RGS3: variants seen among roughly 807,000 people sequenced by gnomAD.
The protein encoded by RGS3 is regulator of G-protein signalling 3.
RGS3 carries 80 observed loss-of-function variants against 132.6 expected under a neutral mutation model. That is an observed-to-expected ratio of 0.60 (90% CI 0.50 to 0.73). The LOEUF (loss-of-function observed/expected upper bound fraction) is 0.73, where lower values mean the gene tolerates loss of function less well. RGS3 is among the 30% of genes least tolerant of loss of function. The pLI, the probability that RGS3 is intolerant of heterozygous loss-of-function variation, is 0.00. For synonymous variants in RGS3, 598 were observed against 620.6 expected, an observed-to-expected ratio of 0.96 and a Z score of 0.54; for missense variants, 1,382 against 1,530.8, an observed-to-expected ratio of 0.90 and a Z score of 1.62.
In RGS3 at chr9:113,583,314, C is replaced by T. The variant is rs1478096584; in HGVS notation, c.2038-136C>T. ...CTAAGTCAAAGGGGCTTTGGGGGTT[C>T]CATCTGGCACCTCAGCTTTCAGACT... On this transcript the variant is annotated intron_variant, in intron 19 of 24. Transcript: ENST00000350696. 17 of 1,426,306 alleles carry T rather than the reference C, an allele frequency of 1.2e-5. No individual in the cohort carries two copies. In the East Asian group the frequency reaches 4.0e-4, roughly 33 times the overall value. 88.4% of individuals were successfully genotyped at this position (1,426,306 alleles called of 1,614,324 possible).
intron 7 of RGS3, among the ~76,000 whole-genome samples, chr9:113,487,790 T>C (rs1564475421): frequency 6.6e-6 from 1 of 152,202 alleles, no homozygotes; most frequent in Non-Finnish European, 1.5e-5. Context: ...AGATTCTCTT[T>C]GGAGTATGGG....
At chr9:113,563,163 G>T (rs748955335) in intron 19 of RGS3, among the ~76,000 whole-genome samples, 1 of 152,208 alleles carries the variant, frequency 6.6e-6, no homozygotes, top group African/African-American at 2.4e-5. Context: ...TTCTGGACTC[G>T]TTCTGGACTC....
rs556489353 is a variant in RGS3, at chr9:113,484,508, G to A, written c.620+276G>A. ...TAAAATGCCCAGCCTGGGGCTGGCA[G>A]CCCATAAAAAGTGTAGGCAATTTCC... On this transcript the variant is annotated intron_variant, in intron 6 of 24. Transcript: ENST00000350696. Among the ~76,000 whole-genome samples the A allele has an allele frequency of 1.2e-4, 18 of 152,278 alleles. No homozygotes were observed. In the South Asian group the frequency reaches 3.7e-3, roughly 32 times the overall value.
chr9:113,565,415 A>AG lies in RGS3; in HGVS notation c.2038-18033dup, dbSNP rs1833953089. On this transcript the variant is annotated intron_variant, in intron 19 of 24. Coordinates refer to ENST00000350696, the Ensembl canonical transcript of RGS3. The surrounding 1 kb of genome is among the most constrained non-coding windows in gnomAD (Gnocchi z 5.7). ...GAGGAAGAGGAGGAGGACAAGTAGGAGGAGGAGGAAGAGGAGGAGGGACGG... is the reference window on the plus strand; with the variant it reads ...GAGGAAGAGGAGGAGGACAAGTAGGAGGGAGGAGGAAGAGGAGGAGGGACGG... 7.8e-7 allele frequency: 1 copy of AG among 1,280,836 alleles called. No individual in the cohort carries two copies. Among genetic ancestry groups the AG allele is most frequent in the South Asian group, 1.2e-5 (1 of 81,422 alleles). 79.3% of individuals were successfully genotyped at this position (1,280,836 alleles called of 1,614,324 possible). A position where few individuals can be genotyped will look rare whatever the true frequency, so the allele number is the denominator to read the frequency against.
chr9:113,445,401 G>A lies in RGS3; in HGVS notation c.-13+474G>A, dbSNP rs149249652. On this transcript the variant is annotated intron_variant, in intron 1 of 25. Transcript: ENST00000374140. ...TTTAGTAGAGACGGGGTTTCTCCATGTTGGTCAGGCTTGTCTCGAACTCTG... is the reference window on the plus strand; with the variant it reads ...TTTAGTAGAGACGGGGTTTCTCCATATTGGTCAGGCTTGTCTCGAACTCTG... Among the ~76,000 whole-genome samples, 296 of 152,168 alleles carry A rather than the reference G, an allele frequency of 1.9e-3. 2 individuals are homozygous for A. Among genetic ancestry groups the A allele is most frequent in the Middle Eastern group, 6.8e-3 (2 of 294 alleles).
At chr9:113,498,054 G>T in exon 10 of RGS3, 1 of 1,614,130 alleles carries the variant, frequency 6.2e-7, no homozygotes, top group Non-Finnish European at 8.5e-7. Context: ...AGGAGGTGGG[G>T]ACACTGAGAA....
intron 21 of RGS3, chr9:113,593,651 C>T (rs1411214363): frequency 2.2e-6 from 1 of 459,842 alleles, no homozygotes; most frequent in South Asian, 3.2e-5. Flanking sequence ...TGGCAGGAGC[C>T]ATTCTCTGGG....
At chr9:113,445,309 TGCCTCA>T (rs1464240367) in intron 1 of RGS3, among the ~76,000 whole-genome samples, 1 of 152,148 alleles carries the variant, frequency 6.6e-6, no homozygotes, top group East Asian at 1.9e-4. Context: ...GCGATTCTCC[TGCCTCA>T]GCCTCCCATG....
chr9:113,514,643 G>A (rs779778956), exon 15 of RGS3: 12 of 1,613,532 alleles, frequency 7.4e-6, no homozygotes, highest in South Asian at 1.1e-5. Flanking sequence ...GGTGTTCCCT[G>A]TCTTTGTTCA....
chr9:113,536,659 A>G (rs1588215903), intron 18 of RGS3, 137 bp from the exon 17 acceptor site: 1 of 1,496,632 alleles, frequency 6.7e-7, no homozygotes, highest in Non-Finnish European at 8.9e-7. Flanking sequence ...ATTAGTGTGC[A>G]TTTGCGGCTT....
At chr9:113,489,771 C>T (rs374142731) in intron 7 of RGS3, among the ~76,000 whole-genome samples, 19 of 151,828 alleles carry the variant, frequency 1.3e-4, no homozygotes, top group African/African-American at 4.6e-4. Flanking sequence ...TGCAAGTGCT[C>T]CTTCTGCCTC....
chr9:113,506,339 G>A lies in RGS3; in HGVS notation c.980-49G>A. The stretch of plus-strand genomic sequence containing the variant: ...GCAAAGGACTCCAGATCCTTTGAAG[G>A]GGTCTTAGGCTTCAGGGGCCCCTGA... On this transcript the variant is annotated intron_variant, in intron 11 of 24. Transcript: ENST00000350696. The surrounding 1 kb of genome is among the most constrained non-coding windows in gnomAD (Gnocchi z 4.7). The A allele has an allele frequency of 1.7e-6, 2 of 1,185,760 alleles. No individual in the cohort carries two copies. The highest frequency in any genetic ancestry group is 2.5e-6 in the Non-Finnish European group (2 of 812,862). 73.5% of individuals were successfully genotyped at this position (1,185,760 alleles called of 1,614,324 possible). A position where few individuals can be genotyped will look rare whatever the true frequency, so the allele number is the denominator to read the frequency against.
chr9:113,559,550 G>A (rs955967802), intron 19 of RGS3, among the ~76,000 whole-genome samples: 23 of 152,340 alleles, frequency 1.5e-4, no homozygotes, highest in South Asian at 4.1e-4. Flanking sequence ...GTTTCCATTA[G>A]CAGGTTGGGA....
intron 3 of RGS3, among the ~76,000 whole-genome samples, chr9:113,468,369 G>A (rs527707667): frequency 1.3e-5 from 2 of 152,214 alleles, no homozygotes; most frequent in African/African-American, 4.8e-5. Context: ...ATAAACCCAC[G>A]GCTTATTTCT....
chr9:113,479,531 G>C lies in RGS3; in HGVS notation c.456G>C (p.Leu152=), dbSNP rs567080366. 5 of 1,614,188 alleles carry C rather than the reference G, an allele frequency of 3.1e-6. No homozygotes were observed. In the South Asian group the frequency reaches 5.5e-5, roughly 18 times the overall value. ...CCATTGATGCCCAGGACCGGGTTCTGCTGCTTCACAGTGAGTACGGCTTTG... is the reference window on the plus strand; with the variant it reads ...CCATTGATGCCCAGGACCGGGTTCTCCTGCTTCACAGTGAGTACGGCTTTG... The change falls in exon 4 of 25, where the codon CTG becomes CTC. Residue 152 remains leucine (L), a synonymous_variant. Coordinates refer to ENST00000350696, the Ensembl canonical transcript of RGS3.
chr9:113,511,945 A>G (rs528864675), intron 14 of RGS3, among the ~76,000 whole-genome samples: 2 of 152,176 alleles, frequency 1.3e-5, no homozygotes, highest in South Asian at 2.1e-4. Flanking sequence ...TCCTTCTACT[A>G]ACCCTGGTAG....
At chr9:113,543,988 T>G (rs891113867) in intron 19 of RGS3, among the ~76,000 whole-genome samples, 2 of 152,190 alleles carry the variant, frequency 1.3e-5, no homozygotes, top group African/African-American at 2.4e-5. Context: ...CATGACCTGA[T>G]GGCCACTGCT....
rs150681701 is a variant in RGS3, at chr9:113,463,319, G to A, written c.415+1118G>A. Among the ~76,000 whole-genome samples, 2 of 152,174 alleles carry A rather than the reference G, an allele frequency of 1.3e-5. No homozygotes were observed. Among genetic ancestry groups the A allele is most frequent in the African/African-American group, 4.8e-5 (2 of 41,434 alleles). Reference sequence around the variant, plus strand: ...CCAAACCTCACTGCCCTGGGCCATCGGGTGCTCCTTTGCCTTTGCTTGGAT... The same window carrying A: ...CCAAACCTCACTGCCCTGGGCCATCAGGTGCTCCTTTGCCTTTGCTTGGAT... On this transcript the variant is annotated intron_variant, in intron 3 of 24. Transcript: ENST00000350696. This position sits in a 1 kb window ranked among gnomAD's most constrained non-coding sequence, Gnocchi z 4.6.
Position 113,526,595 on chromosome 9 carries a change from C to G in RGS3, c.1871-2626C>G, listed in dbSNP as rs749961581. ...GAGAATGGGGACAATACCCCTTCTGCTTGCCTCAGACAGCGAAGGGGGTTT... is the reference window on the plus strand; with the variant it reads ...GAGAATGGGGACAATACCCCTTCTGGTTGCCTCAGACAGCGAAGGGGGTTT... On this transcript the variant is annotated intron_variant, in intron 17 of 24. Transcript: ENST00000350696. Among the ~76,000 whole-genome samples, 7 of 152,178 alleles carry G rather than the reference C, an allele frequency of 4.6e-5. No homozygotes were observed. The South Asian group carries it at 6.2e-4, about 14-fold the overall frequency.
Sources: allele counts gnomAD v4.1 joint callset (sites outside exome capture counted in the v4.1 genomes callset), GRCh38; gene constraint gnomAD v4.1.1; non-coding constraint Gnocchi (gnomAD v3.1); transcripts MANE v1.5; gene names NCBI Gene and HGNC (gene_info 2026-07-23, HGNC 2026-07-21).